Variants in CEP128 observed in about 807,000 individuals in gnomAD.
The protein encoded by CEP128 is centrosomal protein 128, also known as centrosomal protein 128kDa.
In CEP128, 132 loss-of-function variants were observed where a neutral mutation model predicts 156.7. The ratio of observed to expected loss-of-function variants is 0.84; its 90% CI spans 0.73 to 0.97. CEP128 has a LOEUF of 0.97. CEP128 is among the 50% of genes least tolerant of loss of function. CEP128 has a pLI of 0.00. For synonymous variants in CEP128, 469 were observed against 448.9 expected (o/e 1.04, Z -0.57); for missense variants, 1,252 against 1,281.9 (o/e 0.98, Z 0.36).
intron 9 of CEP128, among the ~76,000 whole-genome samples, chr14:80,856,579 G>A (rs1383364947): frequency 6.6e-6 from 1 of 152,060 alleles, no homozygotes; most frequent in Admixed American, 6.6e-5. Context: ...GGGAGGTTGA[G>A]ACTGAGTGGG....
intron 24 of CEP128, among the ~76,000 whole-genome samples, chr14:80,504,010 A>G (rs1279914210): frequency 1.3e-5 from 2 of 152,140 alleles, no homozygotes; most frequent in Non-Finnish European, 2.9e-5. Flanking sequence ...TTTTACAGCA[A>G]TATAGCTATA....
chr14:80,793,460 G>A (rs902622702), intron 13 of CEP128, among the ~76,000 whole-genome samples: 5 of 152,124 alleles, frequency 3.3e-5, no homozygotes, highest in African/African-American at 1.2e-4. Flanking sequence ...AAATATCGAT[G>A]TTTTAAAATT....
intron 14 of CEP128, among the ~76,000 whole-genome samples, chr14:80,791,911 A>G (rs191428254): frequency 8.5e-5 from 13 of 152,364 alleles, no homozygotes; most frequent in African/African-American, 2.6e-4. Flanking sequence ...CTTTTCAAAG[A>G]AAGTCAACTT....
chr14:80,516,881 T>C (rs753318610), intron 23 of CEP128, among the ~76,000 whole-genome samples: 11 of 152,206 alleles, frequency 7.2e-5, no homozygotes, highest in Non-Finnish European at 1.3e-4. Flanking sequence ...CAGTGCCTTC[T>C]TCCTTGATAT....
chr14:80,864,836 C>T (rs1442817900), intron 8 of CEP128, among the ~76,000 whole-genome samples: 1 of 152,156 alleles, frequency 6.6e-6, no homozygotes, highest in Non-Finnish European at 1.5e-5. Context: ...GGATTACAGG[C>T]GTGAGCCACC....
At chr14:80,914,478 G>T in intron 3 of CEP128, 70 bp from the exon 4 acceptor site, 2 of 1,107,974 alleles carry the variant, frequency 1.8e-6, no homozygotes, top group Non-Finnish European at 2.8e-6. Flanking sequence ...TTAGTAGTAT[G>T]TCAATCAACT....
chr14:80,902,219 A>C (rs960634140), intron 6 of CEP128, among the ~76,000 whole-genome samples: 9 of 152,252 alleles, frequency 5.9e-5, no homozygotes, highest in African/African-American at 2.2e-4. Flanking sequence ...TCTAGAATAT[A>C]AACTTATTAA....
chr14:80,565,042 G>T (rs1006542351), intron 20 of CEP128, among the ~76,000 whole-genome samples: 2 of 152,046 alleles, frequency 1.3e-5, no homozygotes, highest in African/African-American at 4.8e-5. Flanking sequence ...CTGGGCAAAA[G>T]GAGTGAAACT....
chr14:80,530,727 T>C, intron 22 of CEP128, 82 bp downstream of exon 22: 1 of 970,082 alleles, frequency 1.0e-6, no homozygotes, highest in African/African-American at 1.7e-5. Flanking sequence ...TCCTTTTCTA[T>C]ACTTTTCTTT....
intron 19 of CEP128, among the ~76,000 whole-genome samples, chr14:80,666,381 G>A (rs1350078506): frequency 1.3e-5 from 2 of 152,144 alleles, no homozygotes; most frequent in African/African-American, 4.8e-5. Context: ...ACAAAATAAG[G>A]CAGGCCTTCC....
At chr14:80,784,773 G>T in intron 15 of CEP128, 122 bp downstream of exon 15, 3 of 875,060 alleles carry the variant, frequency 3.4e-6, no homozygotes, top group East Asian at 4.9e-5. Flanking sequence ...CTTTATTGTT[G>T]GTTTTATCTT....
At chr14:80,600,019 C>G (rs1199387975) in intron 19 of CEP128, among the ~76,000 whole-genome samples, 2 of 152,136 alleles carry the variant, frequency 1.3e-5, no homozygotes, top group Admixed American at 6.5e-5. Flanking sequence ...AGAGGCTCTA[C>G]GATGTCATCA....
chr14:80,800,287 G>A (rs1199878162), intron 13 of CEP128, among the ~76,000 whole-genome samples: 1 of 152,106 alleles, frequency 6.6e-6, no homozygotes, highest in Non-Finnish European at 1.5e-5. Flanking sequence ...GACTTCCAGA[G>A]GAATGATAAC....
chr14:80,561,890 G>C (rs934361569), intron 20 of CEP128, among the ~76,000 whole-genome samples: 2 of 98,852 alleles, frequency 2.0e-5, no homozygotes, highest in Admixed American at 9.8e-5. Context: ...GTTGAAATAC[G>C]AAGGTCTATA....
chr14:80,627,998 CA>C (rs1018241225), intron 19 of CEP128, among the ~76,000 whole-genome samples: 17 of 152,136 alleles, frequency 1.1e-4, no homozygotes, highest in Non-Finnish European at 1.5e-4. Flanking sequence ...GAAATATCCT[CA>C]GCACAGCTCT....
intron 14 of CEP128, 87 bp from the exon 15 acceptor site, chr14:80,785,632 T>G (rs1566624872): frequency 1.0e-6 from 1 of 975,580 alleles, no homozygotes; most frequent in African/African-American, 1.6e-5. Flanking sequence ...CAAAACAATG[T>G]TTAACCCACA....
chr14:80,576,649 G>GTGTGTC (rs1177735498), intron 20 of CEP128, among the ~76,000 whole-genome samples: 1 of 127,170 alleles, frequency 7.9e-6, no homozygotes, highest in Non-Finnish European at 1.7e-5. Flanking sequence ...GTGTGTGTGT[G>GTGTGTC]TGTGTCTGTG....
intron 7 of CEP128, among the ~76,000 whole-genome samples, chr14:80,899,219 G>T (rs1883384138): frequency 6.6e-6 from 1 of 152,182 alleles, no homozygotes; most frequent in Non-Finnish European, 1.5e-5. Flanking sequence ...GAACTGGTGT[G>T]TGGGATGATT....
chr14:80,582,551 T>C (rs1031466011), intron 19 of CEP128, among the ~76,000 whole-genome samples: 20 of 152,170 alleles, frequency 1.3e-4, no homozygotes, highest in Non-Finnish European at 1.8e-4. Context: ...GAACAGCTAC[T>C]GAGCCTAGCT....
Sources: gnomAD v4.1 joint callset for allele counts (sites outside exome capture counted in the v4.1 genomes callset) on GRCh38, gnomAD v4.1.1 for gene constraint, MANE v1.5 for transcripts, NCBI Gene and HGNC (gene_info 2026-07-23, HGNC 2026-07-21) for gene names.